The following REEP5 variants were observed in gnomAD, a reference collection of about 807,000 sequenced individuals.
The protein encoded by REEP5 is receptor expression-enhancing protein 5.
A neutral mutation model predicts 22.4 loss-of-function variants in REEP5; 24 were observed. The observed-to-expected ratio is 1.07, with a 90% CI of 0.78 to 1.51. REEP5 has a LOEUF of 1.51. REEP5 is among the 40% of genes most tolerant of loss of function. The pLI, the probability that REEP5 is intolerant of heterozygous loss-of-function variation, is 0.00. For synonymous variants in REEP5, 103 were observed against 88.6 expected (o/e 1.16, Z -0.92); for missense variants, 252 against 233.0 (o/e 1.08, Z -0.53).
At chr5:112,887,250 T>A in intron 3 of REEP5, 67 bp from the exon 4 acceptor site, 2 of 1,368,320 alleles carry the variant, frequency 1.5e-6, no homozygotes, top group Admixed American at 2.2e-5. Context: ...GAATACACAC[T>A]GTCTTTCACT....
At chr5:112,898,435 C>A (rs1413161913) in intron 3 of REEP5, 1 of 152,212 alleles carries the variant, frequency 6.6e-6, no homozygotes, top group Non-Finnish European at 1.5e-5. Flanking sequence ...GGAAGAAAGT[C>A]TGCTACAAAG....
At chr5:112,912,748 G>C (rs1769133254) in intron 2 of REEP5, among the ~76,000 whole-genome samples, 1 of 152,138 alleles carries the variant, frequency 6.6e-6, no homozygotes. Context: ...GTATTTATCA[G>C]AGAGTATGAT....
intron 4 of REEP5, among the ~76,000 whole-genome samples, chr5:112,885,905 A>G (rs1031776505): frequency 6.6e-6 from 1 of 152,212 alleles, no homozygotes; most frequent in African/African-American, 2.4e-5. Flanking sequence ...AGATGACTTC[A>G]TTCCAGACCT....
At chr5:112,890,074 C>A (rs184500991) in intron 3 of REEP5, among the ~76,000 whole-genome samples, 1 of 149,990 alleles carries the variant, frequency 6.7e-6, no homozygotes, top group Non-Finnish European at 1.5e-5. Context: ...TGATCCACCC[C>A]CATCGGCCTC....
chr5:112,894,567 T>A (rs1312800517), intron 3 of REEP5: 1 of 152,216 alleles, frequency 6.6e-6, no homozygotes, highest in Non-Finnish European at 1.5e-5. Flanking sequence ...GAATCCTTGG[T>A]GGACATTTTG....
chr5:112,878,730 C>T lies in REEP5; in HGVS notation c.*56G>A. On this transcript the variant is annotated 3_prime_UTR_variant, in exon 5 of 5. Coordinates refer to ENST00000379638, the MANE Select transcript of REEP5 (RefSeq NM_005669.5). ...AATTATACCACAGTCCCTAATATAA[C>T]ATCAAGCTCCAGTAGGAAGGTACAG... 6.2e-7 allele frequency: 1 copy of T among 1,604,872 alleles called. No individual in the cohort carries two copies. Among genetic ancestry groups the T allele is most frequent in the South Asian group, 1.1e-5 (1 of 89,084 alleles).
intron 2 of REEP5, among the ~76,000 whole-genome samples, chr5:112,904,884 A>G (rs1768920587): frequency 6.6e-6 from 1 of 152,172 alleles, no homozygotes; most frequent in Non-Finnish European, 1.5e-5. Context: ...CCCCATGTTA[A>G]TATACTAGAA....
chr5:112,917,328 C>G (rs1041939539), intron 2 of REEP5, among the ~76,000 whole-genome samples: 4 of 152,178 alleles, frequency 2.6e-5, no homozygotes, highest in African/African-American at 9.7e-5. Flanking sequence ...TTGGGAAACA[C>G]ACTCCACCTT....
intron 3 of REEP5, among the ~76,000 whole-genome samples, chr5:112,899,255 GTTTTCGGT>G (rs1056239614): frequency 9.1e-5 from 11 of 120,442 alleles, no homozygotes; most frequent in South Asian, 4.7e-4. Flanking sequence ...TTGTTTTTTG[GTTTTCGGT>G]TTTTTTTTTT....
chr5:112,898,365 A>G (rs929928061), intron 3 of REEP5: 1 of 152,236 alleles, frequency 6.6e-6, no homozygotes, highest in Non-Finnish European at 1.5e-5. Context: ...CACTTTCATG[A>G]ACACTATGAT....
chr5:112,899,320 G>A (rs558111377), intron 3 of REEP5, among the ~76,000 whole-genome samples: 1 of 150,188 alleles, frequency 6.7e-6, no homozygotes, highest in African/African-American at 2.5e-5. Context: ...TTTTAAATTT[G>A]TGTGTGTGGA....
chr5:112,914,015 A>C (rs111459814), intron 2 of REEP5, among the ~76,000 whole-genome samples: 1 of 151,456 alleles, frequency 6.6e-6, no homozygotes, highest in African/African-American at 2.4e-5. Context: ...ATTAGTACAC[A>C]CCTGTAGTCC....
intron 2 of REEP5, 102 bp from the exon 3 acceptor site, chr5:112,902,620 T>C: frequency 3.2e-6 from 3 of 943,072 alleles, no homozygotes; most frequent in African/African-American, 1.7e-5. Flanking sequence ...CTGAGAAACT[T>C]AGGCACATGT....
chr5:112,900,280 T>C (rs963550926), intron 3 of REEP5, among the ~76,000 whole-genome samples: 28 of 152,266 alleles, frequency 1.8e-4, no homozygotes, highest in African/African-American at 6.8e-4. Context: ...TAGTCTGTCA[T>C]TATTTTAACT....
chr5:112,887,675 C>G (rs1768302561), intron 3 of REEP5, among the ~76,000 whole-genome samples: 1 of 152,068 alleles, frequency 6.6e-6, no homozygotes, highest in South Asian at 2.1e-4. Flanking sequence ...TTTGGTGGAC[C>G]TCAGTTTTGG....
intron 2 of REEP5, among the ~76,000 whole-genome samples, chr5:112,913,401 GAAAA>G (rs1037666523): frequency 6.8e-6 from 1 of 147,662 alleles, no homozygotes; most frequent in Non-Finnish European, 1.5e-5. Flanking sequence ...GAGAAAGAAA[GAAAA>G]AAAGAAAAGA....
chr5:112,916,369 C>T (rs149192), intron 2 of REEP5, among the ~76,000 whole-genome samples: 73,949 of 152,078 alleles, frequency 0.49, 18,820 homozygotes, highest in African/African-American at 0.62. Context: ...CTAAAGGCAA[C>T]GCTGCATCCC....
intron 2 of REEP5, among the ~76,000 whole-genome samples, chr5:112,915,818 G>C (rs184183780): frequency 5.4e-5 from 8 of 148,466 alleles, no homozygotes; most frequent in African/African-American, 1.7e-4. Context: ...AGGCAGCTCA[G>C]TAGAAAATAC....
intron 2 of REEP5, among the ~76,000 whole-genome samples, chr5:112,906,920 ATGAG>A (rs1286258535): frequency 6.6e-6 from 1 of 152,202 alleles, no homozygotes; most frequent in Admixed American, 6.5e-5. Context: ...CTTTCCAGTA[ATGAG>A]TGAGAGGCCA....
Sources: allele counts gnomAD v4.1 joint callset (sites outside exome capture counted in the v4.1 genomes callset), GRCh38; gene constraint gnomAD v4.1.1; transcripts MANE v1.5; gene names NCBI Gene and HGNC (gene_info 2026-07-23, HGNC 2026-07-21).